PAFAH1B1: variants seen among roughly 807,000 people sequenced by gnomAD.
The protein encoded by PAFAH1B1 is platelet activating factor acetylhydrolase 1b regulatory subunit 1.
PAFAH1B1 carries 2 observed loss-of-function variants against 57.5 expected under a neutral mutation model. The observed-to-expected ratio is 0.03, with a 90% CI of 0.01 to 0.11. The LOEUF (loss-of-function observed/expected upper bound fraction) is 0.11. Among genes scored for constraint, PAFAH1B1 ranks in the 10% least tolerant of loss-of-function variants. The probability of loss-of-function intolerance (pLI) is 1.00; values close to 1 mark genes in which losing one functional copy is unlikely to be tolerated. For synonymous variants in PAFAH1B1, 152 were observed against 169.6 expected (o/e 0.90, Z 0.81); for missense variants, 257 against 512.0 (o/e 0.50, Z 4.81).
Position 2,667,086 on chromosome 17 carries a change from C to T in PAFAH1B1, c.287C>T (p.Pro96Leu). ...AAACGAGACCCAAAAGAATGGATTC[C>T]CCGTCCGCCAGAAAAATATGCATTG... ...GQKRDPKEWI[P>L]RPPEKYALSG... The change falls in exon 5 of 11, where the codon CCC becomes CTC. Residue 96 changes from proline to leucine, a missense_variant. Physicochemically the swap from Pro to Leu is moderately conservative, Grantham distance 98. Coordinates refer to ENST00000397195, the MANE Select transcript of PAFAH1B1 (RefSeq NM_000430.4). 6.2e-7 allele frequency: 1 copy of T among 1,613,864 alleles called. No individual in the cohort carries two copies. The highest frequency in any genetic ancestry group is 8.5e-7 in the Non-Finnish European group (1 of 1,179,820).
At chr17:2,617,920 TC>T (rs989965723) in intron 1 of PAFAH1B1, among the ~76,000 whole-genome samples, 1 of 147,940 alleles carries the variant, frequency 6.8e-6, no homozygotes, top group Non-Finnish European at 1.5e-5. Context: ...CGAGACTCAG[TC>T]CCGCATCAAA....
intron 1 of PAFAH1B1, among the ~76,000 whole-genome samples, chr17:2,606,681 T>C (rs2068207600): frequency 6.6e-6 from 1 of 151,658 alleles, no homozygotes; most frequent in South Asian, 2.1e-4. Flanking sequence ...ATTTACAGTT[T>C]AATTTGTTTT....
intron 1 of PAFAH1B1, among the ~76,000 whole-genome samples, chr17:2,631,532 C>T (rs2151629723): frequency 2.6e-5 from 4 of 152,306 alleles, no homozygotes; most frequent in Admixed American, 2.6e-4. Flanking sequence ...GCTCCCGGGG[C>T]CTTTCTGCTG....
chr17:2,608,119 C>G (rs964069339), intron 1 of PAFAH1B1, among the ~76,000 whole-genome samples: 4 of 151,700 alleles, frequency 2.6e-5, no homozygotes, highest in African/African-American at 9.7e-5. Context: ...AAGTCTCACT[C>G]TGTTGTCCAA....
At chr17:2,633,006 TA>T (rs1436123758) in intron 1 of PAFAH1B1, among the ~76,000 whole-genome samples, 4 of 152,162 alleles carry the variant, frequency 2.6e-5, no homozygotes, top group Non-Finnish European at 4.4e-5. Flanking sequence ...ATTCCATCAC[TA>T]CACCAATATA....
chr17:2,649,393 C>T (rs997859301), intron 2 of PAFAH1B1, among the ~76,000 whole-genome samples: 5 of 151,690 alleles, frequency 3.3e-5, no homozygotes, highest in African/African-American at 7.3e-5. Context: ...GCCAATATGA[C>T]GAAACCCCAT....
Position 2,656,739 on chromosome 17 carries a change from C to G in PAFAH1B1, c.33-8633C>G, listed in dbSNP as rs1163408082. ...GTTTTTTAGGGCTTGACTTACTATA[C>G]AGTGGTCTTCCTTTGTTTAGTTTGC... On this transcript the variant is annotated intron_variant, in intron 2 of 10. Transcript: ENST00000397195. 2.0e-5 allele frequency among the ~76,000 whole-genome samples: 3 copies of G among 152,122 alleles called. No homozygotes were observed. In the East Asian group the frequency reaches 5.8e-4, roughly 29 times the overall value.
At chr17:2,681,358 A>C (rs1006514105) in intron 10 of PAFAH1B1, 2 of 164,778 alleles carry the variant, frequency 1.2e-5, no homozygotes, top group East Asian at 3.4e-4. Flanking sequence ...CTGAATTGGC[A>C]AACTAGATAC....
chr17:2,617,256 T>G (rs1469658391), intron 1 of PAFAH1B1, among the ~76,000 whole-genome samples: 1 of 152,220 alleles, frequency 6.6e-6, no homozygotes, highest in Non-Finnish European at 1.5e-5. Flanking sequence ...GTTAGTAGAT[T>G]TGAGGTCAGT....
chr17:2,663,962 A>G (rs1402319891), intron 2 of PAFAH1B1, among the ~76,000 whole-genome samples: 1 of 151,680 alleles, frequency 6.6e-6, no homozygotes, highest in African/African-American at 2.4e-5. Flanking sequence ...CAAAGTGCTG[A>G]GATTACAGGC....
chr17:2,680,359 G>A, intron 10 of PAFAH1B1, 39 bp downstream of exon 10: 1 of 1,582,822 alleles, frequency 6.3e-7, no homozygotes, highest in Non-Finnish European at 8.7e-7. Flanking sequence ...ATTAGATTTT[G>A]GAGTGCCAGA....
intron 4 of PAFAH1B1, 57 bp from the exon 5 acceptor site, chr17:2,666,935 G>A: frequency 1.5e-6 from 2 of 1,364,416 alleles, no homozygotes; most frequent in Non-Finnish European, 2.1e-6. Flanking sequence ...TTTTTAAAAT[G>A]TCACATGCTA....
chr17:2,626,572 G>A (rs1306684844), intron 1 of PAFAH1B1, among the ~76,000 whole-genome samples: 11 of 10,384 alleles, frequency 1.1e-3, no homozygotes, highest in South Asian at 3.3e-3. Flanking sequence ...CCCCCCCCCC[G>A]AGGCGGAGTC....
intron 1 of PAFAH1B1, among the ~76,000 whole-genome samples, chr17:2,603,402 C>G (rs2068167915): frequency 1.3e-5 from 2 of 152,130 alleles, no homozygotes; most frequent in South Asian, 4.1e-4. Flanking sequence ...AGGTGGATCA[C>G]CTGAGGTCAG....
At chr17:2,597,149 G>A (rs142425784) in intron 1 of PAFAH1B1, among the ~76,000 whole-genome samples, 1,655 of 152,240 alleles carry the variant, frequency 0.011, 27 homozygotes, top group African/African-American at 0.038. Flanking sequence ...GACTTAAGGA[G>A]CTTTAGTTCC....
chr17:2,628,596 G>T (rs1044971345), intron 1 of PAFAH1B1, among the ~76,000 whole-genome samples: 5 of 152,022 alleles, frequency 3.3e-5, no homozygotes, highest in Non-Finnish European at 7.4e-5. Context: ...GGTGATGCTG[G>T]CTTCATAAAA....
At chr17:2,646,429 G>C (rs1936998964) in intron 2 of PAFAH1B1, among the ~76,000 whole-genome samples, 1 of 95,078 alleles carries the variant, frequency 1.1e-5, no homozygotes, top group African/African-American at 2.7e-5. Flanking sequence ...GGGCGCAGTG[G>C]ATCACTTGAG....
chr17:2,601,577 G>T (rs2068143974), intron 1 of PAFAH1B1, among the ~76,000 whole-genome samples: 1 of 151,652 alleles, frequency 6.6e-6, no homozygotes, highest in South Asian at 2.1e-4. Flanking sequence ...GAGTAGCTGA[G>T]ATTACAGGTG....
rs749900625 is a variant in PAFAH1B1 at position 2,680,196 on chromosome 17, G to C, written c.1035G>C (p.Leu345=). ...VGHDNWVRGV[L]FHSGGKFILS... is the part of the protein sequence containing the mutation. The stretch of plus-strand genomic sequence containing the variant: ...ATGATAACTGGGTACGTGGAGTTCT[G>C]TTCCATTCTGGGGGGAAGTTTATTT... Residue 345 remains leucine (L), a synonymous_variant, in exon 10 of 11, where the codon CTG becomes CTC. Coordinates refer to ENST00000397195, the MANE Select transcript of PAFAH1B1 (RefSeq NM_000430.4). 7.4e-6 allele frequency: 12 copies of C among 1,614,162 alleles called. No homozygotes were observed. Among genetic ancestry groups the C allele is most frequent in the Non-Finnish European group, 1.0e-5 (12 of 1,180,006 alleles).
Sources: gnomAD v4.1 joint callset for allele counts (sites outside exome capture counted in the v4.1 genomes callset) on GRCh38, gnomAD v4.1.1 for gene constraint, MANE v1.5 for transcripts, NCBI Gene and HGNC (gene_info 2026-07-23, HGNC 2026-07-21) for gene names.